Variants in PSMD14 observed in about 807,000 individuals in gnomAD.
The protein encoded by PSMD14 is ubiquitin C-terminal hydrolase PSMD14.
A neutral mutation model predicts 41.2 loss-of-function variants in PSMD14; 7 were observed. The observed-to-expected ratio is 0.17, with a 90% CI of 0.10 to 0.32. PSMD14 has a LOEUF of 0.32. Among genes scored for constraint, PSMD14 ranks in the 10% least tolerant of loss-of-function variants. The pLI is 1.00. For synonymous variants in PSMD14, 114 were observed against 122.3 expected (o/e 0.93, Z 0.45); for missense variants, 139 against 375.6 (o/e 0.37, Z 5.21).
intron 1 of PSMD14, chr2:161,308,906 A>G (rs917781956): frequency 1.3e-5 from 2 of 152,196 alleles, no homozygotes; most frequent in African/African-American, 2.4e-5. Context: ...TGCTCTATCC[A>G]TAGTTGTTAA....
intron 3 of PSMD14, among the ~76,000 whole-genome samples, chr2:161,346,783 A>G (rs1683050360): frequency 6.6e-6 from 1 of 151,510 alleles, no homozygotes; most frequent in Non-Finnish European, 1.5e-5. Flanking sequence ...GAAATTTTCT[A>G]GTTTGGCTGG....
Position 161,371,167 on chromosome 2 carries a change from T to C in PSMD14, c.312-5T>C. 2 of 1,612,272 alleles carry C rather than the reference T, an allele frequency of 1.2e-6. No homozygotes were observed. Among genetic ancestry groups the C allele is most frequent in the Non-Finnish European group, 1.7e-6 (2 of 1,178,902 alleles). On this transcript the variant is annotated splice_polypyrimidine_tract_variant and splice_region_variant and intron_variant, in intron 6 of 11. Transcript: ENST00000409682. ...CTGAGCATCTGAATGCCCTCTTTGT[T>C]TCAGGCCGGAGATGGTTGTTGGTTG...
intron 3 of PSMD14, among the ~76,000 whole-genome samples, chr2:161,350,573 T>G (rs988904551): frequency 1.3e-5 from 2 of 152,254 alleles, no homozygotes; most frequent in African/African-American, 2.4e-5. Context: ...TGTGTTGACT[T>G]AACTTTGAAC....
At chr2:161,341,033 G>T in intron 3 of PSMD14, 1 of 1,604,970 alleles carries the variant, frequency 6.2e-7, no homozygotes, top group African/African-American at 1.3e-5. Context: ...GCGCCGCCGC[G>T]GGATCCCCTG....
chr2:161,369,447 C>T (rs1045180404), intron 5 of PSMD14, among the ~76,000 whole-genome samples: 1 of 151,904 alleles, frequency 6.6e-6, no homozygotes, highest in Non-Finnish European at 1.5e-5. Flanking sequence ...ATTGCATACC[C>T]CTGTTCTTGA....
intron 3 of PSMD14, among the ~76,000 whole-genome samples, chr2:161,354,156 A>G (rs1223930819): frequency 1.3e-5 from 2 of 151,944 alleles, no homozygotes; most frequent in African/African-American, 4.8e-5. Flanking sequence ...CCCTCTTTCC[A>G]GTTATGTTTT....
chr2:161,317,081 T>C (rs1013008162), intron 2 of PSMD14, among the ~76,000 whole-genome samples: 1 of 152,204 alleles, frequency 6.6e-6, no homozygotes, highest in Admixed American at 6.5e-5. Context: ...TTTTCTTCTT[T>C]GGTAATATAT....
At chr2:161,377,361 A>G (rs1341995323) in intron 7 of PSMD14, among the ~76,000 whole-genome samples, 2 of 151,862 alleles carry the variant, frequency 1.3e-5, no homozygotes, top group Non-Finnish European at 2.9e-5. Flanking sequence ...AAGTTTTGTT[A>G]CTGTATTATC....
intron 8 of PSMD14, 98 bp downstream of exon 8, chr2:161,385,669 GCTT>G: frequency 1.7e-6 from 1 of 593,886 alleles, no homozygotes; most frequent in Non-Finnish European, 2.8e-6. Context: ...ATTTTAATTT[GCTT>G]GCAAATTAAT....
At chr2:161,346,278 G>T (rs1683040919) in intron 3 of PSMD14, among the ~76,000 whole-genome samples, 1 of 152,052 alleles carries the variant, frequency 6.6e-6, no homozygotes, top group Non-Finnish European at 1.5e-5. Context: ...ACAGCCTAGA[G>T]ATAAAGTTTT....
chr2:161,354,538 C>T (rs1683167218), intron 3 of PSMD14, among the ~76,000 whole-genome samples: 1 of 152,084 alleles, frequency 6.6e-6, no homozygotes, highest in South Asian at 2.1e-4. Flanking sequence ...GTGATTGTTA[C>T]CCAAAGTGGG....
intron 5 of PSMD14, among the ~76,000 whole-genome samples, chr2:161,369,087 T>C (rs1157869322): frequency 6.6e-6 from 1 of 151,966 alleles, no homozygotes; most frequent in Non-Finnish European, 1.5e-5. Flanking sequence ...TATCTGTCTT[T>C]TTATATTAGG....
intron 7 of PSMD14, chr2:161,384,560 A>G (rs1016887380): frequency 2.6e-5 from 4 of 151,666 alleles, no homozygotes; most frequent in East Asian, 1.9e-4. Context: ...GTTACTTAGT[A>G]TATGATCTTG....
At chr2:161,310,105 C>T (rs1047755252) in intron 1 of PSMD14, among the ~76,000 whole-genome samples, 2 of 152,102 alleles carry the variant, frequency 1.3e-5, no homozygotes, top group Non-Finnish European at 1.5e-5. Context: ...GAGCCAAGAT[C>T]GCGCAACTGC....
intron 3 of PSMD14, among the ~76,000 whole-genome samples, chr2:161,364,956 C>T (rs1683339000): frequency 6.6e-6 from 1 of 151,972 alleles, no homozygotes; most frequent in African/African-American, 2.4e-5. Flanking sequence ...TACAAAAAAT[C>T]AGCCTGGCGT....
In PSMD14 at chr2:161,411,456, A is replaced by G; in HGVS notation, c.*56A>G. The stretch of plus-strand genomic sequence containing the variant: ...CAGTGTATATTCCTCTGTTGTTCCT[A>G]ATGCTCAAAATCAAGGGACCTCTGA... On this transcript the variant is annotated 3_prime_UTR_variant, in exon 12 of 12. Transcript: ENST00000409682. The G allele has an allele frequency of 7.8e-7, 1 of 1,281,248 alleles. No individual in the cohort carries two copies. Among genetic ancestry groups the G allele is most frequent in the South Asian group, 1.4e-5 (1 of 69,322 alleles). The allele number at this position is 1,281,248 out of a possible 1,614,324, so 79.4% of individuals were successfully genotyped here.
chr2:161,317,353 T>C (rs935016693), intron 2 of PSMD14, among the ~76,000 whole-genome samples: 2 of 152,222 alleles, frequency 1.3e-5, no homozygotes, highest in Non-Finnish European at 2.9e-5. Context: ...CTTATAAACA[T>C]GTTACATGAA....
intron 3 of PSMD14, among the ~76,000 whole-genome samples, chr2:161,337,327 T>C (rs1682884686): frequency 6.6e-6 from 1 of 152,240 alleles, no homozygotes; most frequent in Non-Finnish European, 1.5e-5. Flanking sequence ...AAACTAAATA[T>C]TAAAAGATGT....
Position 161,402,999 on chromosome 2 carries a change from T to TA in PSMD14, c.772-5835dup, listed in dbSNP as rs757664205. On this transcript the variant is annotated intron_variant, in intron 10 of 11. Transcript: ENST00000409682. The stretch of plus-strand genomic sequence containing the variant: ...ACAGTTTGGTGGTTCCTCAAAAAGT[T>TA]AAACAGACAGTTCCCATATGAGCCA... Among the ~76,000 whole-genome samples, 21 of 152,318 alleles carry TA rather than the reference T, an allele frequency of 1.4e-4. No individual in the cohort carries two copies. The South Asian group carries it at 4.1e-3, about 30-fold the overall frequency.
Sources: gnomAD v4.1 joint callset for allele counts (sites outside exome capture counted in the v4.1 genomes callset) on GRCh38, gnomAD v4.1.1 for gene constraint, MANE v1.5 for transcripts, NCBI Gene and HGNC (gene_info 2026-07-23, HGNC 2026-07-21) for gene names.